SULT1A1: variants seen among roughly 807,000 people sequenced by gnomAD.
SULT1A1 encodes the protein sulfotransferase family 1A member 1, also known as sulfotransferase 1A1.
A neutral mutation model predicts 36.8 loss-of-function variants in SULT1A1; 35 were observed. The ratio of observed to expected loss-of-function variants is 0.95; its 90% CI spans 0.73 to 1.26. SULT1A1 has a LOEUF of 1.26. Ranked by LOEUF, SULT1A1 falls within the 50% of genes most tolerant of loss-of-function variation. SULT1A1 has a pLI of 0.00. For missense variants in SULT1A1, 309 were observed against 383.0 expected (o/e 0.81, Z 1.61); for synonymous variants, 119 against 146.0 (o/e 0.82, Z 1.33).
intron 1 of SULT1A1, chr16:28,609,722 C>A: frequency 1.8e-6 from 1 of 544,038 alleles, no homozygotes; most frequent in African/African-American, 1.9e-5. Flanking sequence ...CCACAGCACT[C>A]CAGCCTGGGT....
At chr16:28,623,355 G>C in exon 1 of SULT1A1, 2 of 1,491,386 alleles carry the variant, frequency 1.3e-6, no homozygotes, top group Non-Finnish European at 1.8e-6. Flanking sequence ...GTCCCCGGCG[G>C]AGACGAGCGA....
At chr16:28,609,661 G>A in intron 1 of SULT1A1, 1 of 388,470 alleles carries the variant, frequency 2.6e-6, no homozygotes, top group Non-Finnish European at 4.7e-6. Context: ...CAGAGGCTGA[G>A]GCAAGAGAAT....
At position 28,605,503 on chromosome 16, in the gene SULT1A1, C is replaced by G. The variant is rs1041219845; in HGVS notation, c.*318G>C. 2.2e-6 allele frequency: 1 copy of G among 465,044 alleles called. No homozygotes were observed. The highest frequency in any genetic ancestry group is 1.9e-5 in the African/African-American group (1 of 51,898). The allele number at this position is 465,044 out of a possible 1,614,324, so 28.8% of individuals were successfully genotyped here. Reference sequence around the variant, plus strand: ...AACAGGCTGGTCCCAAACTCCTGTCCTCCAGTGATCCTCTAGCCTCAACTT... The same window carrying G: ...AACAGGCTGGTCCCAAACTCCTGTCGTCCAGTGATCCTCTAGCCTCAACTT... On this transcript the variant is annotated 3_prime_UTR_variant, in exon 8 of 8. Transcript: ENST00000314752.
At chr16:28,610,273 T>TG, upstream of SULT1A1, 4 of 1,092,920 alleles carry the variant, frequency 3.7e-6, no homozygotes, top group Non-Finnish European at 4.6e-6. Flanking sequence ...TGTTTTTTTT[T>TG]TTTTTTTTTT....
chr16:28,617,545 T>A (rs887513954), intron 2 of SULT1A1, among the ~76,000 whole-genome samples: 2 of 150,426 alleles, frequency 1.3e-5, no homozygotes, highest in Non-Finnish European at 3.0e-5. Context: ...TTTCTTTTCT[T>A]TTTTTTTTTC....
At chr16:28,623,346 T>C in exon 1 of SULT1A1, 3 of 1,498,542 alleles carry the variant, frequency 2.0e-6, no homozygotes, top group East Asian at 2.5e-5. Context: ...CTGCAGCACG[T>C]CCCCGGCGGA....
upstream of SULT1A1, chr16:28,610,571 G>A (rs1000133438): frequency 4.2e-6 from 1 of 236,378 alleles, no homozygotes; most frequent in African/African-American, 2.3e-5. Flanking sequence ...CAGAGTGAAG[G>A]GGCAGGGGTG....
intron 1 of SULT1A1, among the ~76,000 whole-genome samples, chr16:28,622,359 C>T (rs1325053283): frequency 6.6e-6 from 1 of 152,116 alleles, no homozygotes; most frequent in Non-Finnish European, 1.5e-5. Context: ...TCTTATTGTA[C>T]GCAGTAGAGA....
chr16:28,606,382 T>G, intron 6 of SULT1A1, 146 bp from the exon 7 acceptor site: 2 of 1,414,036 alleles, frequency 1.4e-6, no homozygotes, highest in Non-Finnish European at 1.9e-6. Flanking sequence ...AGGGCCCCAG[T>G]CCCGGGGGTA....
rs1352113419 is a variant in SULT1A1, at chr16:28,605,427, C to T, written c.*394G>A. 1.2e-5 allele frequency: 4 copies of T among 336,802 alleles called. No homozygotes were observed. Among genetic ancestry groups the T allele is most frequent in the South Asian group, 2.5e-5 (1 of 39,542 alleles). 20.9% of individuals were successfully genotyped at this position (336,802 alleles called of 1,614,324 possible). A position where few individuals can be genotyped will look rare whatever the true frequency, so the allele number is the denominator to read the frequency against. ...CTGGGACTACAGGTGCCCACCATCA[C>T]GTACAGATAATTTTCTCAAATTTTT... is the stretch of plus-strand genomic sequence containing the variant. On this transcript the variant is annotated 3_prime_UTR_variant, in exon 8 of 8. Transcript: ENST00000314752.
At chr16:28,622,994 C>T (rs1461525042) in intron 1 of SULT1A1, 3 of 1,191,330 alleles carry the variant, frequency 2.5e-6, no homozygotes, top group Non-Finnish European at 2.3e-6. Context: ...GAAGCAGCTC[C>T]GGTCTCAGAG....
intron 1 of SULT1A1, 122 bp downstream of exon 1, chr16:28,609,809 T>G: frequency 9.4e-7 from 1 of 1,059,326 alleles, no homozygotes; most frequent in Non-Finnish European, 1.2e-6. Context: ...AGGCCAGGGT[T>G]GTCTGAAATG....
At position 28,608,844 on chromosome 16, in the gene SULT1A1, G is replaced by A. The variant is rs1370091504; in HGVS notation, c.12C>T (p.Ile4=). Residue 4 remains isoleucine, a synonymous_variant, in exon 2 of 8, where the codon ATC becomes ATT. Transcript: ENST00000314752. ...CCAGTGGCGGGCGGGAGGTGTCCTG[G>A]ATCAGCTCCATGTTCCTGCGTCAGG... MEL[I]QDTSRPPLEY... 2 of 1,611,584 alleles carry A rather than the reference G, an allele frequency of 1.2e-6. No homozygotes were observed. Among genetic ancestry groups the A allele is most frequent in the East Asian group, 4.5e-5 (2 of 44,874 alleles).
chr16:28,606,189 G>C lies in SULT1A1; in HGVS notation c.642C>G (p.Ser214=). 6.2e-7 allele frequency: 1 copy of C among 1,611,814 alleles called. No individual in the cohort carries two copies. Residue 214 remains serine (S), a synonymous_variant, in exon 7 of 8, where the codon TCC becomes TCG. Coordinates refer to ENST00000314752, the MANE Select transcript of SULT1A1 (RefSeq NM_001055.4). ...IQKILEFVGR[S]LPEETVDFVV... ...CGAAGTCCACGGTCTCCTCTGGCAG[G>C]GAGCGCCCCACAAACTCCAGGATCT...
chr16:28,616,554 G>A (rs182611367), intron 2 of SULT1A1, among the ~76,000 whole-genome samples: 30 of 152,022 alleles, frequency 2.0e-4, no homozygotes, highest in Admixed American at 5.9e-4. Flanking sequence ...TCTCAAAGTG[G>A]TGAGATTACA....
intron 2 of SULT1A1, among the ~76,000 whole-genome samples, chr16:28,616,698 C>T (rs1403629212): frequency 6.6e-6 from 1 of 152,168 alleles, no homozygotes; most frequent in Non-Finnish European, 1.5e-5. Flanking sequence ...GTTAGGATTA[C>T]AGGCATGAGC....
chr16:28,619,993 TTGTG>T lies in SULT1A1; in HGVS notation c.138+66_138+69del, dbSNP rs113783918. ...ATATGTATATATATTGTATTGTATA[TTGTG>T]TGTGTGTGTGTGTGTATATACACAC... On this transcript the variant is annotated intron_variant, in intron 2 of 5. Coordinates refer to the SULT1A1 transcript ENST00000350842. 911 of 1,119,994 alleles carry T rather than the reference TTGTG, an allele frequency of 8.1e-4. 3 individuals are homozygous for T. The African/African-American group carries it at 9.2e-3, about 11-fold the overall frequency. The allele number at this position is 1,119,994 out of a possible 1,614,324, so 69.4% of individuals were successfully genotyped here.
In SULT1A1 at chr16:28,606,048, G is replaced by GC. The variant is rs1567302935; in HGVS notation, c.775+7dup. The GC allele has an allele frequency of 2.0e-6, 2 of 1,007,942 alleles. 1 individual carries two copies. 62.4% of individuals were successfully genotyped at this position (1,007,942 alleles called of 1,614,324 possible). ...CCGCCCCAAACCCCCGTGCTGGCCA[G>GC]CACCCACCTTTCCTCATGAAGGGGG... On this transcript the variant is annotated splice_region_variant and intron_variant, in intron 7 of 7. Transcript: ENST00000314752.
exon 1 of SULT1A1, chr16:28,623,158 G>A (rs1396353811): frequency 1.3e-6 from 2 of 1,549,822 alleles, no homozygotes; most frequent in Non-Finnish European, 1.7e-6. Flanking sequence ...ACCGCGATGG[G>A]CGCACCGACC....
Sources: allele counts gnomAD v4.1 joint callset (sites outside exome capture counted in the v4.1 genomes callset), GRCh38; gene constraint gnomAD v4.1.1; transcripts MANE v1.5; gene names NCBI Gene and HGNC (gene_info 2026-07-23, HGNC 2026-07-21).